The following GPC3 variants were observed in gnomAD, a reference collection of about 807,000 sequenced individuals.
GPC3 encodes the protein glypican 3.
A neutral mutation model predicts 34.4 loss-of-function variants in GPC3; 3 were observed. The observed-to-expected ratio is 0.09, with a 90% CI of 0.04 to 0.23. The LOEUF (loss-of-function observed/expected upper bound fraction) is 0.23, where lower values mean the gene tolerates loss of function less well. GPC3 is among the 10% of genes least tolerant of loss of function. The pLI is 1.00. For synonymous variants in GPC3, 177 were observed against 174.0 expected, an observed-to-expected ratio of 1.02 and a Z score of -0.13; for missense variants, 351 against 445.6, an observed-to-expected ratio of 0.79 and a Z score of 1.91.
At chrX:133,720,601 G>T (rs762959706) in intron 3 of GPC3, among the ~76,000 whole-genome samples, 1 of 111,720 alleles carries the variant, frequency 9.0e-6, no homozygotes, top group South Asian at 3.7e-4. Flanking sequence ...GCCCAGTCTT[G>T]GGTATGTCTT....
At chrX:133,647,217 G>GT (rs1438416867) in intron 6 of GPC3, among the ~76,000 whole-genome samples, 3 of 112,621 alleles carry the variant, frequency 2.7e-5, no homozygotes, top group African/African-American at 6.4e-5. Flanking sequence ...GAGGAACAGA[G>GT]TTTTTTACTT....
At chrX:133,706,562 TAAAA>T (rs2071220872) in intron 3 of GPC3, among the ~76,000 whole-genome samples, 2 of 112,261 alleles carry the variant, frequency 1.8e-5, no homozygotes, top group Non-Finnish European at 3.8e-5. Context: ...AGACACTTCT[TAAAA>T]GAAGACATAC....
rs754604488 is a variant in GPC3, at chrX:133,717,661, G to A, written c.1033-17633C>T. ...TAAAAGGGACTGGAATTGCTCACTCGGGAAGCTTGGTTGTTGGAGACGTGA... is the reference window on the plus strand; with the variant it reads ...TAAAAGGGACTGGAATTGCTCACTCAGGAAGCTTGGTTGTTGGAGACGTGA... On this transcript the variant is annotated intron_variant, in intron 3 of 7. Coordinates refer to ENST00000370818, the MANE Select transcript of GPC3 (RefSeq NM_004484.4). 1.4e-4 allele frequency among the ~76,000 whole-genome samples: 16 copies of A among 110,598 alleles called. No homozygotes were observed. In the East Asian group the frequency reaches 2.6e-3, roughly 18 times the overall value.
chrX:133,769,369 T>C (rs374068182), intron 2 of GPC3, among the ~76,000 whole-genome samples: 1 of 112,073 alleles, frequency 8.9e-6, no homozygotes, highest in Non-Finnish European at 1.9e-5. Context: ...GCCAAGAGCA[T>C]AGATCTTATG....
chrX:133,834,753 T>C (rs1435649686), intron 2 of GPC3, among the ~76,000 whole-genome samples: 6 of 112,104 alleles, frequency 5.4e-5, no homozygotes, highest in Admixed American at 9.5e-5. Context: ...ATGTAGAAGG[T>C]CAATACAGGA....
At chrX:133,946,862 G>A (rs2076371244) in intron 2 of GPC3, among the ~76,000 whole-genome samples, 1 of 111,280 alleles carries the variant, frequency 9.0e-6, no homozygotes, top group Non-Finnish European at 1.9e-5. Flanking sequence ...TGACTGAAAA[G>A]TGCAATGAAG....
intron 2 of GPC3, among the ~76,000 whole-genome samples, chrX:133,917,590 T>C (rs1238673077): frequency 1.8e-5 from 2 of 112,167 alleles, no homozygotes; most frequent in Non-Finnish European, 3.8e-5. Context: ...AGAACAGATC[T>C]GTCCCCTACT....
rs187954888 is a variant in GPC3, at chrX:133,576,451, G to C, written c.1573+19989C>G. 2.8e-3 allele frequency among the ~76,000 whole-genome samples: 315 copies of C among 110,688 alleles called. 1 individual carries two copies. Among genetic ancestry groups the C allele is most frequent in the African/African-American group, 9.8e-3 (298 of 30,400 alleles). ...GACGGGGTTTCACCATGTTGGCCAGGCTGGTCTCGAGCTCCTGACCTCAAG... is the reference window on the plus strand; with the variant it reads ...GACGGGGTTTCACCATGTTGGCCAGCCTGGTCTCGAGCTCCTGACCTCAAG... On this transcript the variant is annotated intron_variant, in intron 7 of 7. Coordinates refer to ENST00000370818, the MANE Select transcript of GPC3 (RefSeq NM_004484.4).
At chrX:133,872,088 C>T (rs1181048109) in intron 2 of GPC3, among the ~76,000 whole-genome samples, 2 of 111,644 alleles carry the variant, frequency 1.8e-5, no homozygotes, top group African/African-American at 6.5e-5. Context: ...GGACTATAGG[C>T]ATGCACCACC....
chrX:133,633,940 T>C (rs1335045260), intron 6 of GPC3, among the ~76,000 whole-genome samples: 2 of 111,862 alleles, frequency 1.8e-5, no homozygotes, highest in African/African-American at 6.5e-5. Context: ...GAGGGGAGAA[T>C]GCAAAAAATC....
rs138733456 is a variant in GPC3, at chrX:133,701,456, G to C, written c.1033-1428C>G. Among the ~76,000 whole-genome samples, 780 of 111,912 alleles carry C rather than the reference G, an allele frequency of 7.0e-3. 4 individuals carry two copies. The highest frequency in any genetic ancestry group is 0.011 in the Non-Finnish European group (576 of 53,217). ...ATTGCCTCCCTAGCAGATAATGCTT[G>C]ACCTTCCAGTGGCTTACATTCTCCA... On this transcript the variant is annotated intron_variant, in intron 3 of 7. Coordinates refer to ENST00000370818, the MANE Select transcript of GPC3 (RefSeq NM_004484.4).
At chrX:133,900,037 A>G (rs945037136) in intron 2 of GPC3, among the ~76,000 whole-genome samples, 2 of 111,759 alleles carry the variant, frequency 1.8e-5, no homozygotes, top group Non-Finnish European at 3.8e-5. Context: ...TTCTGAGCTC[A>G]GGTGATCCAC....
chrX:133,935,857 G>T (rs1290038685), intron 2 of GPC3, among the ~76,000 whole-genome samples: 1 of 110,727 alleles, frequency 9.0e-6, no homozygotes, highest in Non-Finnish European at 1.9e-5. Context: ...CAGTGCTAAT[G>T]ATAATAATAA....
chrX:133,642,702 G>A (rs1272831178), intron 6 of GPC3, among the ~76,000 whole-genome samples: 2 of 105,542 alleles, frequency 1.9e-5, no homozygotes, highest in Admixed American at 2.1e-4. Flanking sequence ...AACCTAGGAG[G>A]CAGAGGTTGC....
chrX:133,965,885 TAGA>T (rs1321139088), intron 1 of GPC3, among the ~76,000 whole-genome samples: 3 of 107,964 alleles, frequency 2.8e-5, no homozygotes, highest in East Asian at 6.1e-4. Flanking sequence ...TAGCACAGGA[TAGA>T]AGGAGTAGGG....
At position 133,912,639 on chromosome X, in the gene GPC3, GAGA is replaced by G. The variant is rs764959412; in HGVS notation, c.337+40408_337+40410del. Among the ~76,000 whole-genome samples, 17 of 110,005 alleles carry G rather than the reference GAGA, an allele frequency of 1.5e-4. No individual in the cohort carries two copies. The South Asian group carries it at 6.8e-3, about 44-fold the overall frequency. On this transcript the variant is annotated intron_variant, in intron 2 of 7. Transcript: ENST00000370818. ...TGGGAGAATGACACTGCCTTAAAGT[GAGA>G]AGGACAGCTAGTTAGGACCCAGAGA...
intron 2 of GPC3, among the ~76,000 whole-genome samples, chrX:133,830,937 C>T (rs950912665): frequency 1.8e-5 from 2 of 109,629 alleles, no homozygotes; most frequent in Admixed American, 2.0e-4. Flanking sequence ...GGACTTATAC[C>T]CATAATATAT....
chrX:133,633,141 G>A (rs2070382958), intron 6 of GPC3, among the ~76,000 whole-genome samples: 1 of 111,699 alleles, frequency 9.0e-6, no homozygotes, highest in South Asian at 3.8e-4. Flanking sequence ...AAATATATTA[G>A]TATTCTCATT....
intron 2 of GPC3, among the ~76,000 whole-genome samples, chrX:133,925,981 G>C (rs1156844206): frequency 9.0e-6 from 1 of 111,276 alleles, no homozygotes; most frequent in East Asian, 2.8e-4. Flanking sequence ...TCTTAGGGGA[G>C]GGAGTTCTTG....
Sources: gnomAD v4.1 joint callset for allele counts (sites outside exome capture counted in the v4.1 genomes callset) on GRCh38, gnomAD v4.1.1 for gene constraint, MANE v1.5 for transcripts, NCBI Gene and HGNC (gene_info 2026-07-23, HGNC 2026-07-21) for gene names.